TULP1: variants seen among roughly 807,000 people sequenced by gnomAD.
The protein encoded by TULP1 is tubby-related protein 1.
TULP1 carries 50 observed loss-of-function variants against 67.1 expected under a neutral mutation model. The observed-to-expected ratio is 0.75, with a 90% CI of 0.59 to 0.94. The LOEUF (loss-of-function observed/expected upper bound fraction) is 0.94. Ranked by LOEUF, TULP1 falls within the 40% of genes least tolerant of loss-of-function variation. The pLI, the probability that TULP1 is intolerant of heterozygous loss-of-function variation, is 0.00. For synonymous variants in TULP1, 297 were observed against 294.0 expected (o/e 1.01, Z -0.11); for missense variants, 746 against 734.1 (o/e 1.02, Z -0.19).
At chr6:35,509,508 G>C in intron 7 of TULP1, 126 bp downstream of exon 7, 1 of 1,125,564 alleles carries the variant, frequency 8.9e-7, no homozygotes, top group Non-Finnish European at 1.3e-6. Flanking sequence ...TGCCCTGCAC[G>C]TTGTCTGACT....
Position 35,512,703 on chromosome 6 carries a change from A to G in TULP1, c.48-13T>C. On this transcript the variant is annotated splice_polypyrimidine_tract_variant and intron_variant, in intron 1 of 14. Transcript: ENST00000229771. ...TTCTTCATGCCCACTGAGGGTAGCA[A>G]AGGGATCAGCCTGTCTCCCTTCCCC... is the stretch of plus-strand genomic sequence containing the variant. The G allele has an allele frequency of 6.2e-7, 1 of 1,613,740 alleles. No homozygotes were observed. Among genetic ancestry groups the G allele is most frequent in the Non-Finnish European group, 8.5e-7 (1 of 1,179,930 alleles).
rs757762357 is a variant in TULP1 at position 35,498,634 on chromosome 6, C to T, written c.1496-174G>A. 5.9e-5 allele frequency among the ~76,000 whole-genome samples: 9 copies of T among 152,234 alleles called. No individual in the cohort carries two copies. Among genetic ancestry groups the T allele is most frequent in the Non-Finnish European group, 8.8e-5 (6 of 68,040 alleles). ...TCTTCTATCTCACTCCACACCAGCA[C>T]CACGTGGCTTTGCAGTCACACTATA... On this transcript the variant is annotated intron_variant, in intron 14 of 14. Coordinates refer to ENST00000229771, the MANE Select transcript of TULP1 (RefSeq NM_003322.6). The surrounding 1 kb of genome is among the most constrained non-coding windows in gnomAD (Gnocchi z 6.7).
rs41270076 is a variant in TULP1, at chr6:35,500,114, C to T, written c.1362G>A (p.Thr454=). The change falls in exon 14 of 15, where the codon ACG becomes ACA. Residue 454 remains threonine, a synonymous_variant. Coordinates refer to ENST00000229771, the MANE Select transcript of TULP1 (RefSeq NM_003322.6). ...DGLLVRWQNK[T]LESLIELHNK... ...TGTGCAGTTCTATGAGGCTCTCCAGCGTCTTGTTCTGCCAGCGCACCAGCA... is the reference window on the plus strand; with the variant it reads ...TGTGCAGTTCTATGAGGCTCTCCAGTGTCTTGTTCTGCCAGCGCACCAGCA... The T allele has an allele frequency of 0.027, 43,601 of 1,614,108 alleles. 728 individuals are homozygous for T. Among genetic ancestry groups the T allele is most frequent in the African/African-American group, 0.064 (4,775 of 74,996 alleles).
chr6:35,510,687 G>T, intron 5 of TULP1, 174 bp downstream of exon 5: 3 of 1,454,110 alleles, frequency 2.1e-6, no homozygotes, highest in South Asian at 1.3e-5. Context: ...GCATATATTG[G>T]TCTATGTCCT....
At chr6:35,500,935 C>T (rs1768830249) in intron 13 of TULP1, among the ~76,000 whole-genome samples, 1 of 152,238 alleles carries the variant, frequency 6.6e-6, no homozygotes, top group African/African-American at 2.4e-5. Flanking sequence ...GACTGAGCCT[C>T]CCATGACTGG....
At chr6:35,511,218 G>C (rs1011140044) in intron 4 of TULP1, among the ~76,000 whole-genome samples, 3 of 152,080 alleles carry the variant, frequency 2.0e-5, no homozygotes, top group Admixed American at 6.6e-5. Context: ...GAGTGGCTGG[G>C]GTTGGAGGAA....
Position 35,512,265 on chromosome 6 carries a change from G to C in TULP1, c.105C>G (p.Pro35=), listed in dbSNP as rs748027320. 1.0e-5 allele frequency: 14 copies of C among 1,396,414 alleles called. No homozygotes were observed. The highest frequency in any genetic ancestry group is 1.3e-5 in the Non-Finnish European group (14 of 1,073,636). 86.5% of individuals were successfully genotyped at this position (1,396,414 alleles called of 1,614,324 possible). ...TCTTCCTTAGCCTCTGTGCCGGGGCGGGTCGCTGCGGAACGGGGGTCAAGA... is the reference window on the plus strand; with the variant it reads ...TCTTCCTTAGCCTCTGTGCCGGGGCCGGTCGCTGCGGAACGGGGGTCAAGA... ...PEAPRRPKQR[P]APAQRLRKKR... The change falls in exon 3 of 15, where the codon CCC becomes CCG. Residue 35 remains proline, a synonymous_variant. Transcript: ENST00000229771.
intron 1 of TULP1, 24 bp downstream of exon 1, chr6:35,512,788 C>A (rs780985189): frequency 1.5e-6 from 2 of 1,375,468 alleles, no homozygotes; most frequent in African/African-American, 1.5e-5. Context: ...GGTTCAGGTG[C>A]CACGAACTGG....
chr6:35,511,875 A>T, intron 3 of TULP1, 69 bp from the exon 4 acceptor site: 1 of 1,456,400 alleles, frequency 6.9e-7, no homozygotes, highest in Non-Finnish European at 9.1e-7. Flanking sequence ...TCTACCCGCT[A>T]CCCCCAAGCC....
intron 2 of TULP1, 23 bp downstream of exon 2, chr6:35,512,616 C>T: frequency 6.2e-7 from 1 of 1,613,960 alleles, no homozygotes; most frequent in Non-Finnish European, 8.5e-7. Flanking sequence ...CTTTCTGCTT[C>T]CTTTCCAAGT....
Position 35,503,632 on chromosome 6 carries a change from C to T in TULP1, c.1250G>A (p.Gly417Asp). 1 of 1,599,142 alleles carries T rather than the reference C, an allele frequency of 6.3e-7. No individual in the cohort carries two copies. The highest frequency in any genetic ancestry group is 8.5e-7 in the Non-Finnish European group (1 of 1,173,118). ...IYETNVLGFR[G>D]PRRMTVIIPG... ...AATGATGACGGTCATGCGCCGGGGGCCACGGAAGCCCAGCACGTTGGTTTC... is the reference window on the plus strand; with the variant it reads ...AATGATGACGGTCATGCGCCGGGGGTCACGGAAGCCCAGCACGTTGGTTTC... Residue 417 changes from glycine (G) to aspartate (D), a missense_variant, in exon 13 of 15, where the codon GGC (glycine) becomes GAC (aspartate). Transcript: ENST00000229771. This position sits in a 1 kb window ranked among gnomAD's most constrained non-coding sequence, Gnocchi z 4.0.
chr6:35,506,256 C>T lies in TULP1; in HGVS notation c.828+18G>A, dbSNP rs372888329. 25 of 1,594,732 alleles carry T rather than the reference C, an allele frequency of 1.6e-5. No homozygotes were observed. The African/African-American group carries it at 3.1e-4, about 20-fold the overall frequency. ...GGTCCCAGTGCTGAGACACGGGCAGCCCGGCAGGACAACTCACCGCTTTCT... is the reference window on the plus strand; with the variant it reads ...GGTCCCAGTGCTGAGACACGGGCAGTCCGGCAGGACAACTCACCGCTTTCT... On this transcript the variant is annotated intron_variant, in intron 9 of 14. Transcript: ENST00000229771.
intron 8 of TULP1, among the ~76,000 whole-genome samples, chr6:35,508,014 C>T (rs1761118847): frequency 6.6e-6 from 1 of 152,060 alleles, no homozygotes; most frequent in Admixed American, 6.6e-5. Context: ...GGGGTTTCAC[C>T]ATCTCTACTA....
Position 35,506,299 on chromosome 6 carries a change from A to G in TULP1, c.823-20T>C. ...CGCTTTCTGTGTGCGGAGAGAACAGAGAGGCTGGCTAGAGCAGGGGCCGCA... is the reference window on the plus strand; with the variant it reads ...CGCTTTCTGTGTGCGGAGAGAACAGGGAGGCTGGCTAGAGCAGGGGCCGCA... On this transcript the variant is annotated intron_variant, in intron 8 of 14. Transcript: ENST00000229771. 6.4e-7 allele frequency: 1 copy of G among 1,560,150 alleles called. No individual in the cohort carries two copies. Among genetic ancestry groups the G allele is most frequent in the Non-Finnish European group, 8.7e-7 (1 of 1,152,850 alleles).
At position 35,503,404 on chromosome 6, in the gene TULP1, A is replaced by G; in HGVS notation, c.1323+155T>C. ...CCCATTGTGGTTTTTCAGTGAATTC[A>G]ATTACAAAAAGCCCAAGTCCATTCC... On this transcript the variant is annotated intron_variant, in intron 13 of 14. Coordinates refer to ENST00000229771, the MANE Select transcript of TULP1 (RefSeq NM_003322.6). This position sits in a 1 kb window ranked among gnomAD's most constrained non-coding sequence, Gnocchi z 4.0. The G allele has an allele frequency of 2.7e-6, 2 of 749,262 alleles. No homozygotes were observed. Among genetic ancestry groups the G allele is most frequent in the Non-Finnish European group, 4.3e-6 (2 of 460,754 alleles). The allele number at this position is 749,262 out of a possible 1,614,324, so 46.4% of individuals were successfully genotyped here.
chr6:35,505,003 C>G (rs534474122), intron 11 of TULP1, among the ~76,000 whole-genome samples: 1 of 152,074 alleles, frequency 6.6e-6, no homozygotes, highest in South Asian at 2.1e-4. Flanking sequence ...GTGGCATGAT[C>G]CCAGCTCACT....
At chr6:35,502,706 C>T (rs1412963136) in intron 13 of TULP1, among the ~76,000 whole-genome samples, 1 of 151,904 alleles carries the variant, frequency 6.6e-6, no homozygotes, top group Non-Finnish European at 1.5e-5. Flanking sequence ...GCCATGTTGG[C>T]CAGGCTGGTC....
intron 5 of TULP1, 53 bp from the exon 6 acceptor site, chr6:35,509,981 G>A: frequency 6.4e-7 from 1 of 1,567,490 alleles, no homozygotes; most frequent in Non-Finnish European, 8.8e-7. Flanking sequence ...GGGGCTGAAG[G>A]CTGCCTTCCA....
intron 8 of TULP1, 56 bp downstream of exon 8, chr6:35,509,153 G>A: frequency 6.6e-7 from 1 of 1,513,882 alleles, no homozygotes; most frequent in Non-Finnish European, 9.2e-7. Context: ...CCAAGTCCAG[G>A]CCCCTGCCTC....
Sources: allele counts gnomAD v4.1 joint callset (sites outside exome capture counted in the v4.1 genomes callset), GRCh38; gene constraint gnomAD v4.1.1; non-coding constraint Gnocchi (gnomAD v3.1); transcripts MANE v1.5; gene names NCBI Gene and HGNC (gene_info 2026-07-23, HGNC 2026-07-21).